BRCA1: variants seen among roughly 807,000 people sequenced by gnomAD.
The protein encoded by BRCA1 is breast cancer type 1 susceptibility protein.
BRCA1 carries 140 observed loss-of-function variants against 173.7 expected under a neutral mutation model. The observed-to-expected ratio is 0.81, with a 90% confidence interval of 0.70 to 0.93. BRCA1 has a LOEUF of 0.93. BRCA1 is among the 40% of genes least tolerant of loss of function. The pLI, the probability that BRCA1 is intolerant of heterozygous loss-of-function variation, is 0.00. For missense variants in BRCA1, 1,983 were observed against 2,172.5 expected (o/e 0.91, Z 1.73); for synonymous variants, 662 against 756.0 (o/e 0.88, Z 2.04).
intron 8 of BRCA1, among the ~76,000 whole-genome samples, chr17:43,096,663 TACAG>T (rs771171482): frequency 1.1e-4 from 16 of 151,046 alleles, no homozygotes; most frequent in Middle Eastern, 3.5e-3. Flanking sequence ...TTATATAACA[TACAG>T]ACAAAGCTTG....
intron 19 of BRCA1, among the ~76,000 whole-genome samples, chr17:43,054,492 T>C (rs1178690276): frequency 6.6e-6 from 1 of 152,206 alleles, no homozygotes; most frequent in African/African-American, 2.4e-5. Context: ...CAGGCTGGAG[T>C]GCAGTAGCAC....
At position 43,082,519 on chromosome 17, in the gene BRCA1, T is replaced by C. The variant is rs1057521982; in HGVS notation, c.4242A>G (p.Leu1414=). 2 of 1,614,116 alleles carry C rather than the reference T, an allele frequency of 1.2e-6. No individual in the cohort carries two copies. The highest frequency in any genetic ancestry group is 2.7e-5 in the African/African-American group (2 of 74,946). ...LIKLQQEMAE[L]EAVLEQHGSQ... is the part of the protein sequence containing the mutation. ...TCCCATGCTGTTCTAACACAGCTTC[T>C]AGTTCAGCCATTTCCTGCTGGAGCT... Residue 1414 remains leucine, a synonymous_variant, in exon 12 of 23, where the codon CTA becomes CTG. Transcript: ENST00000357654.
intron 1 of BRCA1, among the ~76,000 whole-genome samples, chr17:43,135,410 A>G (rs1192738720): frequency 6.6e-6 from 1 of 152,220 alleles, no homozygotes; most frequent in Non-Finnish European, 1.5e-5. Flanking sequence ...AATCCAATGC[A>G]TGCACCCGCT....
intron 18 of BRCA1, among the ~76,000 whole-genome samples, chr17:43,062,618 A>G (rs886665901): frequency 6.6e-6 from 1 of 151,818 alleles, no homozygotes; most frequent in Non-Finnish European, 1.5e-5. Flanking sequence ...TTTTTTTTTA[A>G]GACGGAGTCT....
chr17:43,149,978 G>A (rs746902919), intron 1 of BRCA1, among the ~76,000 whole-genome samples: 3 of 151,874 alleles, frequency 2.0e-5, no homozygotes, highest in African/African-American at 7.3e-5. Context: ...TAATAGAGAC[G>A]GGGTTTCACC....
intron 1 of BRCA1, among the ~76,000 whole-genome samples, chr17:43,135,605 T>C (rs1297583045): frequency 6.6e-6 from 1 of 152,196 alleles, no homozygotes; most frequent in East Asian, 1.9e-4. Flanking sequence ...GGTCGCGGTC[T>C]TCGGAGCCTT....
At chr17:43,145,257 A>G in intron 1 of BRCA1, 1 of 682,660 alleles carries the variant, frequency 1.5e-6, no homozygotes, top group Non-Finnish European at 2.8e-6. Context: ...AAGTCTGATG[A>G]ATACCATAGA....
intron 9 of BRCA1, 144 bp downstream of exon 9, chr17:43,095,702 T>G (rs1337777577): frequency 2.7e-6 from 2 of 739,392 alleles, no homozygotes; most frequent in Non-Finnish European, 4.8e-6. Context: ...ACCACGACAT[T>G]TGACAGAGAA....
intron 1 of BRCA1, chr17:43,170,038 G>A (rs1330987778): frequency 2.1e-5 from 9 of 430,866 alleles, no homozygotes; most frequent in Non-Finnish European, 3.2e-5. Flanking sequence ...TGCAGAATGA[G>A]GGCAGAGTAG....
At chr17:43,164,141 A>G (rs1175953428) in intron 1 of BRCA1, 1 of 152,230 alleles carries the variant, frequency 6.6e-6, no homozygotes, top group East Asian at 1.9e-4. Flanking sequence ...TCCTGTCTTC[A>G]TTGGTAAAGT....
rs753859240 is a variant in BRCA1, at chr17:43,104,862, A to G, written c.301+6T>C. The G allele has an allele frequency of 6.2e-6, 10 of 1,611,800 alleles. No individual in the cohort carries two copies. Among genetic ancestry groups the G allele is most frequent in the Non-Finnish European group, 8.5e-6 (10 of 1,177,996 alleles). ...GAGTGTCATTCTTGGGATATTCAAC[A>G]CTTACACTCCAAACCTGTGTCAAGC... On this transcript the variant is annotated splice_donor_region_variant and intron_variant, in intron 5 of 22. Transcript: ENST00000357654.
intron 1 of BRCA1, among the ~76,000 whole-genome samples, chr17:43,156,475 C>T (rs2056197899): frequency 2.0e-5 from 3 of 152,142 alleles, no homozygotes. Flanking sequence ...GTCATTCACC[C>T]TGCCAGTCTC....
intron 1 of BRCA1, among the ~76,000 whole-genome samples, chr17:43,132,150 G>A (rs2055972312): frequency 6.6e-6 from 1 of 152,194 alleles, no homozygotes; most frequent in African/African-American, 2.4e-5. Context: ...GAGGAACTGA[G>A]GCACAGAGAG....
Position 43,094,303 on chromosome 17 carries a change from C to T in BRCA1, c.1228G>A (p.Ala410Thr), listed in dbSNP as rs779974365. Reference protein sequence around the residue: ...DGESESNAKVADVLDVLNEVD... With the variant: ...DGESESNAKVTDVLDVLNEVD... ...TCATTTAGAACGTCCAATACATCAG[C>T]TACTTTGGCATTTGATTCAGACTCC... Residue 410 changes from alanine (A) to threonine (T), a missense_variant, in exon 10 of 23, where the codon GCT becomes ACT. Physicochemically the swap from Ala to Thr is moderately conservative, Grantham distance 58. Transcript: ENST00000357654. The T allele has an allele frequency of 1.9e-6, 3 of 1,614,040 alleles. No homozygotes were observed. The African/African-American group carries it at 4.0e-5, about 22-fold the overall frequency.
intron 12 of BRCA1, chr17:43,079,412 T>C (rs1237734526): frequency 1.3e-6 from 2 of 1,591,186 alleles, no homozygotes; most frequent in African/African-American, 2.7e-5. Flanking sequence ...GTAAGAAAGG[T>C]GAAATTGTAG....
Position 43,092,617 on chromosome 17 carries a change from CAT to C in BRCA1, c.2912_2913del (p.His971ArgfsTer20), listed in dbSNP as rs878854940. 1 of 1,613,850 alleles carries C rather than the reference CAT, an allele frequency of 6.2e-7. No individual in the cohort carries two copies. Among genetic ancestry groups the C allele is most frequent in the Non-Finnish European group, 8.5e-7 (1 of 1,179,950 alleles). On this transcript the variant is annotated frameshift_variant, in exon 10 of 23. Transcript: ENST00000357654. LOFTEE classifies it high-confidence loss of function. The part of the protein sequence containing the change: ...NETGLITPNK[H>X]GLLQNPYRIP... ...ATACGATATGGGTTTTGTAAAAGTC[CAT>C]GTTTATTTGGAGTAATGAGTCCAGT...
chr17:43,066,842 G>T (rs1003573139), intron 16 of BRCA1, among the ~76,000 whole-genome samples: 22 of 88,938 alleles, frequency 2.5e-4, no homozygotes, highest in African/African-American at 9.3e-4. Flanking sequence ...TTTGAGACAA[G>T]AATCTCGCTC....
At chr17:43,076,683 T>C in intron 12 of BRCA1, 69 bp from the exon 13 acceptor site, 1 of 1,576,924 alleles carries the variant, frequency 6.3e-7, no homozygotes, top group Non-Finnish European at 8.7e-7. Context: ...CAGGTTAGAA[T>C]ACTGATTTTT....
chr17:43,060,659 C>T (rs1368185162), intron 18 of BRCA1, among the ~76,000 whole-genome samples: 1 of 151,510 alleles, frequency 6.6e-6, no homozygotes, highest in Non-Finnish European at 1.5e-5. Flanking sequence ...GCACACACCA[C>T]CACACCATGC....
Sources: gnomAD v4.1 joint callset for allele counts (sites outside exome capture counted in the v4.1 genomes callset) on GRCh38, gnomAD v4.1.1 for gene constraint, MANE v1.5 for transcripts, NCBI Gene and HGNC (gene_info 2026-07-23, HGNC 2026-07-21) for gene names.